The following LRP1B variants were observed in gnomAD, a reference collection of about 807,000 sequenced individuals.
LRP1B encodes the protein LDL receptor related protein 1B.
LRP1B carries 217 observed loss-of-function variants against 556.6 expected under a neutral mutation model. The ratio of observed to expected loss-of-function variants is 0.39; its 90% CI spans 0.35 to 0.44. The LOEUF (loss-of-function observed/expected upper bound fraction) is 0.44. Ranked by LOEUF, LRP1B falls within the 20% of genes least tolerant of loss-of-function variation. The pLI, the probability that LRP1B is intolerant of heterozygous loss-of-function variation, is 1.00. For synonymous variants in LRP1B, 2,047 were observed against 1,865.8 expected (o/e 1.10, Z -2.50); for missense variants, 5,053 against 5,620.8 (o/e 0.90, Z 3.23).
intron 2 of LRP1B, among the ~76,000 whole-genome samples, chr2:141,791,436 T>A (rs1217943639): frequency 6.6e-6 from 1 of 152,010 alleles, no homozygotes; most frequent in Non-Finnish European, 1.5e-5. Context: ...TTTAAAAACT[T>A]TTTCTTACTA....
intron 6 of LRP1B, among the ~76,000 whole-genome samples, chr2:141,206,221 C>T (rs6729494): frequency 0.38 from 57,105 of 151,814 alleles, 11,986 homozygotes; most frequent in Middle Eastern, 0.55. Flanking sequence ...GACGACAAAA[C>T]ATAGTAACAA....
At chr2:140,910,137 C>T (rs922687369) in intron 21 of LRP1B, among the ~76,000 whole-genome samples, 23 of 148,470 alleles carry the variant, frequency 1.5e-4, no homozygotes, top group Admixed American at 4.7e-4. Context: ...TGAGTAGAAA[C>T]TGTATATATT....
At chr2:141,732,109 A>C (rs1265135153) in intron 2 of LRP1B, among the ~76,000 whole-genome samples, 2 of 152,108 alleles carry the variant, frequency 1.3e-5, no homozygotes, top group African/African-American at 4.8e-5. Context: ...TGACCTTCTC[A>C]TATCACCTGA....
intron 3 of LRP1B, among the ~76,000 whole-genome samples, chr2:141,321,132 A>C (rs1172337559): frequency 6.6e-6 from 1 of 152,144 alleles, no homozygotes; most frequent in Admixed American, 6.6e-5. Context: ...GCTAGCATTA[A>C]GAGCTGAGAA....
intron 79 of LRP1B, among the ~76,000 whole-genome samples, chr2:140,332,500 A>G (rs1259349130): frequency 2.0e-5 from 3 of 152,050 alleles, no homozygotes; most frequent in East Asian, 1.9e-4. Flanking sequence ...GGAGTATCCA[A>G]TTCCTCACTG....
intron 2 of LRP1B, among the ~76,000 whole-genome samples, chr2:141,710,364 A>T (rs963487422): frequency 2.6e-5 from 4 of 152,104 alleles, no homozygotes; most frequent in Non-Finnish European, 5.9e-5. Context: ...AGCAGGAACT[A>T]TACTATCAGC....
At position 141,579,903 on chromosome 2, in the gene LRP1B, C is replaced by T. The variant is rs1283367356; in HGVS notation, c.206-99370G>A. ...TTTTAGTAGAGACAGGGTTTCACCG[C>T]ATTAGCCAGGATGGTCTCTGTCTCC... On this transcript the variant is annotated intron_variant, in intron 2 of 90. Transcript: ENST00000389484. Among the ~76,000 whole-genome samples the T allele has an allele frequency of 2.0e-5, 3 of 151,848 alleles. No individual in the cohort carries two copies. The South Asian group carries it at 6.2e-4, about 32-fold the overall frequency.
At chr2:140,885,452 G>C (rs764731778) in intron 24 of LRP1B, among the ~76,000 whole-genome samples, 9 of 150,826 alleles carry the variant, frequency 6.0e-5, no homozygotes, top group Non-Finnish European at 1.2e-4. Context: ...CCAGGTTCAC[G>C]CAATTCTCCT....
chr2:141,380,292 A>G (rs1689590081), intron 3 of LRP1B, among the ~76,000 whole-genome samples: 1 of 151,818 alleles, frequency 6.6e-6, no homozygotes, highest in African/African-American at 2.4e-5. Context: ...CTAATATTGC[A>G]TCTTTTCCAG....
At chr2:140,921,657 A>G (rs1391973666) in intron 21 of LRP1B, among the ~76,000 whole-genome samples, 3 of 152,046 alleles carry the variant, frequency 2.0e-5, no homozygotes, top group Non-Finnish European at 4.4e-5. Context: ...TTATGTAACA[A>G]TTGAAGAGAG....
At chr2:140,961,081 C>T (rs1696019995) in intron 18 of LRP1B, among the ~76,000 whole-genome samples, 1 of 151,816 alleles carries the variant, frequency 6.6e-6, no homozygotes, top group Non-Finnish European at 1.5e-5. Flanking sequence ...CTCATGCCAA[C>T]AATATGAGAT....
intron 2 of LRP1B, among the ~76,000 whole-genome samples, chr2:141,629,191 C>T (rs1048535050): frequency 1.3e-5 from 2 of 152,094 alleles, no homozygotes; most frequent in Non-Finnish European, 2.9e-5. Flanking sequence ...TTTAAATGCC[C>T]AGTGGCATTT....
intron 11 of LRP1B, among the ~76,000 whole-genome samples, chr2:141,046,068 G>A (rs973740441): frequency 2.0e-5 from 3 of 151,876 alleles, no homozygotes; most frequent in Non-Finnish European, 4.4e-5. Flanking sequence ...TAAACCTCTA[G>A]GAGAAAAAAA....
chr2:141,881,054 C>T (rs770193747), intron 1 of LRP1B, among the ~76,000 whole-genome samples: 4 of 151,902 alleles, frequency 2.6e-5, no homozygotes, highest in Non-Finnish European at 4.4e-5. Flanking sequence ...TTCTTCTTGG[C>T]TTTAAATTGA....
At chr2:141,093,137 GT>G in intron 7 of LRP1B, among the ~76,000 whole-genome samples, 1 of 151,672 alleles carries the variant, frequency 6.6e-6, no homozygotes, top group East Asian at 1.9e-4. Flanking sequence ...AAATAATGCA[GT>G]AAAAAAAGAT....
chr2:141,904,186 G>A (rs944075350), intron 1 of LRP1B, among the ~76,000 whole-genome samples: 4 of 151,950 alleles, frequency 2.6e-5, no homozygotes, highest in African/African-American at 9.7e-5. Flanking sequence ...TATGGACCAT[G>A]AGCTGTAGGA....
At chr2:140,323,584 C>A (rs1378412518) in intron 81 of LRP1B, among the ~76,000 whole-genome samples, 3 of 151,258 alleles carry the variant, frequency 2.0e-5, no homozygotes, top group Non-Finnish European at 3.0e-5. Flanking sequence ...GCACATGTAC[C>A]CTAAAACTTA....
At chr2:140,724,833 C>T (rs572381493) in intron 35 of LRP1B, among the ~76,000 whole-genome samples, 1 of 152,252 alleles carries the variant, frequency 6.6e-6, no homozygotes, top group East Asian at 1.9e-4. Flanking sequence ...CTCTCCCTGC[C>T]ACCCCACAAC....
intron 2 of LRP1B, chr2:141,805,754 A>T (rs1451933370): frequency 1.3e-5 from 2 of 152,166 alleles, no homozygotes; most frequent in Non-Finnish European, 2.9e-5. Context: ...TTCAAAACAA[A>T]CTGAAAAACA....
Sources: allele counts gnomAD v4.1 joint callset (sites outside exome capture counted in the v4.1 genomes callset), GRCh38; gene constraint gnomAD v4.1.1; transcripts MANE v1.5; gene names NCBI Gene and HGNC (gene_info 2026-07-23, HGNC 2026-07-21).